The following IGSF21 variants were observed in gnomAD, a reference collection of about 807,000 sequenced individuals.
IGSF21 encodes immunoglobin superfamily member 21, also known as immunoglobulin superfamily member 21.
IGSF21 carries 28 observed loss-of-function variants against 46.8 expected under a neutral mutation model. The observed-to-expected ratio is 0.60, with a 90% confidence interval of 0.44 to 0.82. The LOEUF (loss-of-function observed/expected upper bound fraction) is 0.82. Among genes scored for constraint, IGSF21 ranks in the 40% least tolerant of loss-of-function variants. The probability of loss-of-function intolerance (pLI) is 0.00; values close to 1 mark genes in which losing one functional copy is unlikely to be tolerated. For synonymous variants in IGSF21, 284 were observed against 273.6 expected, an observed-to-expected ratio of 1.04 and a Z score of -0.38; for missense variants, 624 against 665.5, an observed-to-expected ratio of 0.94 and a Z score of 0.69.
intron 6 of IGSF21, among the ~76,000 whole-genome samples, chr1:18,366,625 G>A (rs2086167741): frequency 6.6e-6 from 1 of 152,192 alleles, no homozygotes; most frequent in African/African-American, 2.4e-5. Context: ...ATTTTTGCCA[G>A]GTTGGGGTCA....
At chr1:18,359,952 G>A (rs571318170) in intron 4 of IGSF21, among the ~76,000 whole-genome samples, 4 of 152,286 alleles carry the variant, frequency 2.6e-5, no homozygotes, top group South Asian at 2.1e-4. Context: ...TCAAATCCTG[G>A]CTCTTCCTCA....
intron 4 of IGSF21, among the ~76,000 whole-genome samples, chr1:18,349,161 G>A (rs1056952121): frequency 1.3e-5 from 2 of 152,160 alleles, no homozygotes; most frequent in Non-Finnish European, 2.9e-5. Context: ...GGCTCAGACA[G>A]AAGAAGCAAC....
At chr1:18,368,226 C>T (rs1290121915) in intron 6 of IGSF21, among the ~76,000 whole-genome samples, 2 of 151,912 alleles carry the variant, frequency 1.3e-5, no homozygotes, top group Non-Finnish European at 2.9e-5. Context: ...ACAAGCAGGG[C>T]CAGGCACAGT....
chr1:18,321,710 G>A (rs1489777111), intron 3 of IGSF21, among the ~76,000 whole-genome samples: 3 of 152,208 alleles, frequency 2.0e-5, no homozygotes, highest in South Asian at 2.1e-4. Flanking sequence ...CACCGTAATC[G>A]CCTCCCAAAA....
chr1:18,211,495 C>T (rs2084390722), intron 1 of IGSF21, among the ~76,000 whole-genome samples: 2 of 152,202 alleles, frequency 1.3e-5, no homozygotes, highest in Non-Finnish European at 2.9e-5. Context: ...GCAAGGTAAT[C>T]CAGTTTAATG....
intron 2 of IGSF21, among the ~76,000 whole-genome samples, chr1:18,258,216 C>A (rs1417685437): frequency 6.6e-6 from 1 of 152,142 alleles, no homozygotes; most frequent in Non-Finnish European, 1.5e-5. Context: ...CTTCTTTGCA[C>A]TGGGCTTTGT....
At chr1:18,190,145 AT>A (rs1282781573) in intron 1 of IGSF21, among the ~76,000 whole-genome samples, 7 of 152,280 alleles carry the variant, frequency 4.6e-5, no homozygotes, top group African/African-American at 1.7e-4. Flanking sequence ...GGTGGCCCCC[AT>A]CTGTGCTGCT....
intron 1 of IGSF21, among the ~76,000 whole-genome samples, chr1:18,147,635 C>T (rs1360352757): frequency 6.6e-6 from 1 of 152,128 alleles, no homozygotes; most frequent in East Asian, 1.9e-4. Context: ...TCATCTGTTT[C>T]CCCACTAGAA....
At chr1:18,151,259 A>C (rs2086519421) in intron 1 of IGSF21, among the ~76,000 whole-genome samples, 1 of 152,222 alleles carries the variant, frequency 6.6e-6, no homozygotes, top group African/African-American at 2.4e-5. Flanking sequence ...TCTTCTTGAC[A>C]CAGCACAGTA....
intron 2 of IGSF21, among the ~76,000 whole-genome samples, chr1:18,242,433 C>G (rs1269409065): frequency 6.6e-6 from 1 of 152,152 alleles, no homozygotes; most frequent in Non-Finnish European, 1.5e-5. Flanking sequence ...AATTGGATAC[C>G]ATTCTTCAAG....
At position 18,365,500 on chromosome 1, in the gene IGSF21, A is replaced by T; in HGVS notation, c.818A>T (p.Glu273Val). ...ENIPETVVSR[E>V]FPRWVHSAEP... ...ATACCAGAGACGGTCGTGAGCCGTG[A>T]GTTTCCCCGCTGGGTCCACAGCGCC... The change falls in exon 6 of 10, where the codon GAG becomes GTG. Residue 273 changes from glutamate to valine, a missense_variant. Coordinates refer to ENST00000251296, the MANE Select transcript of IGSF21 (RefSeq NM_032880.5). The surrounding 1 kb of genome is among the most constrained non-coding windows in gnomAD (Gnocchi z 4.8). 6.2e-7 allele frequency: 1 copy of T among 1,613,730 alleles called. No individual in the cohort carries two copies. The highest frequency in any genetic ancestry group is 1.3e-5 in the African/African-American group (1 of 74,888).
At chr1:18,210,731 A>G (rs1570341384) in intron 1 of IGSF21, among the ~76,000 whole-genome samples, 2 of 152,150 alleles carry the variant, frequency 1.3e-5, no homozygotes, top group East Asian at 3.9e-4. Flanking sequence ...GTTCCTGCAC[A>G]CCAGATGCCA....
intron 3 of IGSF21, among the ~76,000 whole-genome samples, chr1:18,294,876 C>A (rs1434135539): frequency 6.6e-6 from 1 of 152,248 alleles, no homozygotes; most frequent in African/African-American, 2.4e-5. Context: ...TGCAGAGCCC[C>A]ATCAGGGCTG....
At chr1:18,148,602 A>G (rs2086491984) in intron 1 of IGSF21, among the ~76,000 whole-genome samples, 1 of 152,222 alleles carries the variant, frequency 6.6e-6, no homozygotes, top group Non-Finnish European at 1.5e-5. Context: ...TAGGCTGTAA[A>G]TTGCATCAAG....
intron 1 of IGSF21, among the ~76,000 whole-genome samples, chr1:18,145,896 A>G (rs1176207283): frequency 1.3e-5 from 2 of 152,124 alleles, no homozygotes; most frequent in East Asian, 3.9e-4. Context: ...CCTCCTTCCA[A>G]GAAGTGTTTC....
chr1:18,367,083 T>C (rs1436967685), intron 6 of IGSF21, among the ~76,000 whole-genome samples: 1 of 152,088 alleles, frequency 6.6e-6, no homozygotes, highest in Non-Finnish European at 1.5e-5. Flanking sequence ...GGGCTCATAC[T>C]CCAAAACTCC....
chr1:18,116,561 G>T (rs1276727296), intron 1 of IGSF21, among the ~76,000 whole-genome samples: 1 of 152,220 alleles, frequency 6.6e-6, no homozygotes, highest in African/African-American at 2.4e-5. Context: ...GGAGAGTGGG[G>T]TCACTGTTTC....
intron 3 of IGSF21, among the ~76,000 whole-genome samples, chr1:18,323,660 G>C (rs1343725601): frequency 6.6e-6 from 1 of 152,104 alleles, no homozygotes; most frequent in Non-Finnish European, 1.5e-5. Flanking sequence ...TAGGGAGGGA[G>C]CTGGGGGCAG....
Position 18,376,369 on chromosome 1 carries a change from G to A in IGSF21, c.1075G>A (p.Val359Met). Residue 359 changes from valine to methionine, a missense_variant, in exon 7 of 10, where the codon GTG (valine) becomes ATG (methionine). By Grantham distance (21) the Val-to-Met change is conservative (BLOSUM62 1). Coordinates refer to ENST00000251296, the MANE Select transcript of IGSF21 (RefSeq NM_032880.5). Reference protein sequence around the residue: ...TPSRARVGDTVRILVHGFQNE... With the variant: ...TPSRARVGDTMRILVHGFQNE... Reference sequence around the variant, plus strand: ...CAGCAGAGCCCGGGTAGGGGACACAGTGAGGATTCTGGTCCATGGGTTTCA... The same window carrying A: ...CAGCAGAGCCCGGGTAGGGGACACAATGAGGATTCTGGTCCATGGGTTTCA... 3 of 1,613,992 alleles carry A rather than the reference G, an allele frequency of 1.9e-6. No individual in the cohort carries two copies. Among genetic ancestry groups the A allele is most frequent in the Non-Finnish European group, 2.5e-6 (3 of 1,179,888 alleles).
Sources: allele counts gnomAD v4.1 joint callset (sites outside exome capture counted in the v4.1 genomes callset), GRCh38; gene constraint gnomAD v4.1.1; non-coding constraint Gnocchi (gnomAD v3.1); transcripts MANE v1.5; gene names NCBI Gene and HGNC (gene_info 2026-07-23, HGNC 2026-07-21).